PARD6G: variants seen among roughly 807,000 people sequenced by gnomAD.
The protein encoded by PARD6G is par-6 family cell polarity regulator gamma, also known as partitioning defective 6 homolog gamma.
In PARD6G, 7 loss-of-function variants were observed where a neutral mutation model predicts 10.7. The ratio of observed to expected loss-of-function variants is 0.66; its 90% confidence interval spans 0.37 to 1.23. PARD6G has a LOEUF of 1.23. Ranked by LOEUF, PARD6G falls within the 50% of genes most tolerant of loss-of-function variation. PARD6G has a pLI of 0.02. For synonymous variants in PARD6G, 287 were observed against 269.4 expected, an observed-to-expected ratio of 1.07 and a Z score of -0.64; for missense variants, 548 against 571.8, an observed-to-expected ratio of 0.96 and a Z score of 0.42.
chr18:80,244,052 C>A (rs1159035758), intron 1 of PARD6G, among the ~76,000 whole-genome samples: 1 of 152,162 alleles, frequency 6.6e-6, no homozygotes, highest in Non-Finnish European at 1.5e-5. Flanking sequence ...GTGTTGCTTG[C>A]TGTCTTCTCC....
intron 2 of PARD6G, among the ~76,000 whole-genome samples, chr18:80,185,445 T>C (rs2052869030): frequency 6.6e-6 from 1 of 152,114 alleles, no homozygotes; most frequent in South Asian, 2.1e-4. Context: ...TGTCTAATTT[T>C]TAATGTATTA....
intron 1 of PARD6G, among the ~76,000 whole-genome samples, chr18:80,209,980 T>C (rs1568437965): frequency 6.6e-6 from 1 of 152,198 alleles, no homozygotes; most frequent in East Asian, 1.9e-4. Flanking sequence ...CCCCCAACTC[T>C]AACTTCTTAT....
chr18:80,190,952 T>A (rs1966891749), intron 2 of PARD6G, among the ~76,000 whole-genome samples: 1 of 152,132 alleles, frequency 6.6e-6, no homozygotes, highest in Non-Finnish European at 1.5e-5. Flanking sequence ...TCCCTCCACC[T>A]ATAGCCCTGG....
chr18:80,166,379 GAC>G (rs772026644), intron 2 of PARD6G, among the ~76,000 whole-genome samples: 7 of 151,432 alleles, frequency 4.6e-5, no homozygotes, highest in Admixed American at 2.0e-4. Context: ...CTAAGCAGGC[GAC>G]ACAGTCTGGG....
At position 80,181,344 on chromosome 18, in the gene PARD6G, C is replaced by T. The variant is rs528015184; in HGVS notation, c.296-20738G>A. On this transcript the variant is annotated intron_variant, in intron 2 of 2. Transcript: ENST00000353265. This position sits in a 1 kb window ranked among gnomAD's most constrained non-coding sequence, Gnocchi z 7.9. Reference sequence around the variant, plus strand: ...GGGATGTCTGCGGAAGCTGTGGTCCCGATGCCACACACGCCAAGGCAGGCA... The same window carrying T: ...GGGATGTCTGCGGAAGCTGTGGTCCTGATGCCACACACGCCAAGGCAGGCA... Among the ~76,000 whole-genome samples, 1 of 152,284 alleles carries T rather than the reference C, an allele frequency of 6.6e-6. No homozygotes were observed. The highest frequency in any genetic ancestry group is 1.5e-5 in the Non-Finnish European group (1 of 68,012).
chr18:80,221,786 A>G (rs185291166), intron 1 of PARD6G, among the ~76,000 whole-genome samples: 228 of 152,374 alleles, frequency 1.5e-3, no homozygotes, highest in Admixed American at 3.0e-3. Flanking sequence ...ATTTGTATAT[A>G]GAAAATCCTA....
chr18:80,170,287 ACT>A (rs1042129938), intron 2 of PARD6G: 5 of 152,172 alleles, frequency 3.3e-5, no homozygotes, highest in Admixed American at 6.5e-5. Context: ...TTTCCAGAAA[ACT>A]CTGTCTTCAA....
At chr18:80,210,361 A>T (rs1298884721) in intron 1 of PARD6G, among the ~76,000 whole-genome samples, 1 of 152,232 alleles carries the variant, frequency 6.6e-6, no homozygotes, top group African/African-American at 2.4e-5. Context: ...TATTCTAGAA[A>T]AGCAGCTGAA....
intron 2 of PARD6G, chr18:80,171,129 C>T (rs535397041): frequency 6.6e-6 from 1 of 152,344 alleles, no homozygotes; most frequent in Non-Finnish European, 1.5e-5. Context: ...TTAAAAAAAT[C>T]CCTGAAGCCA....
intron 1 of PARD6G, among the ~76,000 whole-genome samples, chr18:80,211,061 C>A (rs952409267): frequency 6.6e-6 from 1 of 152,008 alleles, no homozygotes; most frequent in African/African-American, 2.4e-5. Context: ...GAAAGGGACC[C>A]AGTAGCATTT....
At chr18:80,202,372 T>C (rs1967015929) in intron 2 of PARD6G, among the ~76,000 whole-genome samples, 1 of 152,188 alleles carries the variant, frequency 6.6e-6, no homozygotes, top group African/African-American at 2.4e-5. Flanking sequence ...CCTAACAAGA[T>C]GATGGAGGGC....
chr18:80,180,336 GGC>G lies in PARD6G; in HGVS notation c.296-19732_296-19731del, dbSNP rs2052841860. On this transcript the variant is annotated intron_variant, in intron 2 of 2. Coordinates refer to ENST00000353265, the MANE Select transcript of PARD6G (RefSeq NM_032510.4). The surrounding 1 kb of genome is among the most constrained non-coding windows in gnomAD (Gnocchi z 5.6). ...GGCGTGGGCAGCGACAGCTGGGGCC[GGC>G]AGGTGAGGACACGCAGCTGGGAGGG... is the stretch of plus-strand genomic sequence containing the variant. Among the ~76,000 whole-genome samples, 1 of 152,208 alleles carries G rather than the reference GGC, an allele frequency of 6.6e-6. No individual in the cohort carries two copies. The highest frequency in any genetic ancestry group is 1.5e-5 in the Non-Finnish European group (1 of 68,016).
rs781334900 is a variant in PARD6G, at chr18:80,188,707, C to T, written c.295+14003G>A. 3.9e-5 allele frequency among the ~76,000 whole-genome samples: 6 copies of T among 152,218 alleles called. No individual in the cohort carries two copies. The highest frequency in any genetic ancestry group is 7.3e-5 in the Non-Finnish European group (5 of 68,034). ...ACACAGATGCAGGGCAGAGTTCACA[C>T]GGCTTCTCAGGGGCCTGCATCTCAG... is the stretch of plus-strand genomic sequence containing the variant. On this transcript the variant is annotated intron_variant, in intron 2 of 2. Transcript: ENST00000353265. The surrounding 1 kb of genome is among the most constrained non-coding windows in gnomAD (Gnocchi z 5.4).
At chr18:80,230,944 CAT>C (rs1219917334) in intron 1 of PARD6G, among the ~76,000 whole-genome samples, 3 of 152,198 alleles carry the variant, frequency 2.0e-5, no homozygotes, top group African/African-American at 7.2e-5. Context: ...ATAACCTGCC[CAT>C]AGTCACAAGG....
intron 2 of PARD6G, chr18:80,171,352 ACACCGGCGCAT>A (rs2052775141): frequency 6.6e-6 from 1 of 152,148 alleles, no homozygotes; most frequent in Admixed American, 6.5e-5. Context: ...AAAGCAGGAG[ACACCGGCGCAT>A]CCAGGCCCCA....
At chr18:80,172,733 G>C (rs190011959) in intron 2 of PARD6G, among the ~76,000 whole-genome samples, 194 of 152,306 alleles carry the variant, frequency 1.3e-3, no homozygotes, top group Admixed American at 3.7e-3. Context: ...TTCCGAATAA[G>C]AGTCTCTTCT....
intron 2 of PARD6G, among the ~76,000 whole-genome samples, chr18:80,185,810 C>A (rs538798364): frequency 2.8e-4 from 38 of 133,558 alleles, no homozygotes; most frequent in African/African-American, 1.0e-3. Context: ...ACGCATATAC[C>A]CTGACATGCT....
In PARD6G at chr18:80,180,442, C is replaced by T. The variant is rs1326687791; in HGVS notation, c.296-19836G>A. ...GCCTCACAGAGGCTCCCAGGCTACA[C>T]TGGAGGAGGCTCTGCTCCATGGTGT... On this transcript the variant is annotated intron_variant, in intron 2 of 2. Coordinates refer to ENST00000353265, the MANE Select transcript of PARD6G (RefSeq NM_032510.4). This position sits in a 1 kb window ranked among gnomAD's most constrained non-coding sequence, Gnocchi z 5.6. 5.3e-5 allele frequency among the ~76,000 whole-genome samples: 8 copies of T among 152,274 alleles called. No individual in the cohort carries two copies. In the East Asian group the frequency reaches 1.2e-3, roughly 22 times the overall value.
intron 2 of PARD6G, among the ~76,000 whole-genome samples, chr18:80,177,245 C>CACACACACAG (rs1260461659): frequency 2.0e-5 from 3 of 147,926 alleles, no homozygotes; most frequent in East Asian, 2.0e-4. Flanking sequence ...CACACACACA[C>CACACACACAG]AGTACAAATC....
Sources: allele counts gnomAD v4.1 joint callset (sites outside exome capture counted in the v4.1 genomes callset), GRCh38; gene constraint gnomAD v4.1.1; non-coding constraint Gnocchi (gnomAD v3.1); transcripts MANE v1.5; gene names NCBI Gene and HGNC (gene_info 2026-07-23, HGNC 2026-07-21).